The following CCDC9 variants were observed in gnomAD, a reference collection of about 807,000 sequenced individuals.
CCDC9 encodes coiled-coil domain-containing protein 9.
A neutral mutation model predicts 65.6 loss-of-function variants in CCDC9; 52 were observed. The observed-to-expected ratio is 0.79, with a 90% CI of 0.63 to 1.00. The LOEUF (loss-of-function observed/expected upper bound fraction) is 1.00, where lower values mean the gene tolerates loss of function less well. Ranked by LOEUF, CCDC9 falls within the 50% of genes least tolerant of loss-of-function variation. The pLI is 0.00. For synonymous variants in CCDC9, 332 were observed against 280.3 expected, an observed-to-expected ratio of 1.18 and a Z score of -1.84; for missense variants, 834 against 757.2, an observed-to-expected ratio of 1.10 and a Z score of -1.19.
At chr19:47,266,578 C>G in intron 7 of CCDC9, 33 bp from the exon 8 acceptor site, 1 of 1,487,944 alleles carries the variant, frequency 6.7e-7, no homozygotes, top group South Asian at 1.3e-5. Flanking sequence ...GGGTGCGGGA[C>G]ATCACCCTGA....
chr19:47,257,529 A>T (rs1248220347), intron 1 of CCDC9: 2 of 152,422 alleles, frequency 1.3e-5, no homozygotes, highest in African/African-American at 4.8e-5. Flanking sequence ...TGGCCCTGGC[A>T]TTCCCAGCCG....
chr19:47,257,891 C>T (rs1353594261), intron 1 of CCDC9: 1 of 164,820 alleles, frequency 6.1e-6, no homozygotes, highest in Non-Finnish European at 1.3e-5. Flanking sequence ...ATGAGAGGCA[C>T]CAGGATGAGC....
At chr19:47,275,275 A>G (rs973123537), downstream of CCDC9, 65 of 1,545,006 alleles carry the variant, frequency 4.2e-5, 1 homozygote, top group Middle Eastern at 3.8e-4. Flanking sequence ...CGCTACAGCG[A>G]CCCTGACCGC....
At chr19:47,275,455 C>T (rs1280004827), downstream of CCDC9, 32 of 1,385,186 alleles carry the variant, frequency 2.3e-5, no homozygotes, top group Non-Finnish European at 8.5e-6. Context: ...AATGACATCG[C>T]TCAGCGTCTC....
downstream of CCDC9, chr19:47,274,843 G>A: frequency 1.1e-6 from 1 of 932,694 alleles, no homozygotes; most frequent in Non-Finnish European, 1.3e-6. Context: ...GAGCGGGGCG[G>A]TCTGCGGGGT....
intron 8 of CCDC9, among the ~76,000 whole-genome samples, chr19:47,269,435 A>G (rs1484299930): frequency 6.6e-6 from 1 of 151,992 alleles, no homozygotes; most frequent in Non-Finnish European, 1.5e-5. Flanking sequence ...GCTCACTGCA[A>G]CATCGCCTCC....
Position 47,267,636 on chromosome 19 carries a change from G to A in CCDC9, c.902+844G>A, listed in dbSNP as rs999159236. On this transcript the variant is annotated intron_variant, in intron 8 of 11. Transcript: ENST00000221922. ...GCAGGCACACTTCCCAGTTGTGTTC[G>A]CCAGCACACCCCGCCTCACTGGGGC... 2.6e-5 allele frequency among the ~76,000 whole-genome samples: 4 copies of A among 152,146 alleles called. No individual in the cohort carries two copies. The East Asian group carries it at 5.8e-4, about 22-fold the overall frequency.
chr19:47,273,531 T>C, downstream of CCDC9: 1 of 479,338 alleles, frequency 2.1e-6, no homozygotes, highest in Non-Finnish European at 3.3e-6. Context: ...TGTCCTCTGC[T>C]TCTGCCACAC....
chr19:47,264,392 G>A (rs1236649901), intron 5 of CCDC9, among the ~76,000 whole-genome samples: 1 of 152,214 alleles, frequency 6.6e-6, no homozygotes, highest in Non-Finnish European at 1.5e-5. Context: ...GAAGGCGAAT[G>A]CAGCGTACAG....
chr19:47,257,376 G>A (rs1464400349), intron 1 of CCDC9, among the ~76,000 whole-genome samples: 6 of 150,898 alleles, frequency 4.0e-5, no homozygotes, highest in Non-Finnish European at 7.4e-5. Context: ...GGGAAAGAGC[G>A]TGGCTGGGAA....
downstream of CCDC9, among the ~76,000 whole-genome samples, chr19:47,273,140 G>C (rs1025946735): frequency 6.6e-6 from 1 of 152,156 alleles, no homozygotes; most frequent in Non-Finnish European, 1.5e-5. Context: ...CCACACCCGC[G>C]TTTCCTCGAT....
At chr19:47,266,302 A>C in intron 7 of CCDC9, 1 of 322,008 alleles carries the variant, frequency 3.1e-6, no homozygotes. Flanking sequence ...GCGGGAGAAG[A>C]GTTTGGAGGC....
chr19:47,258,738 T>A, intron 3 of CCDC9, 75 bp downstream of exon 3: 1 of 1,109,646 alleles, frequency 9.0e-7, no homozygotes, highest in Non-Finnish European at 1.4e-6. Flanking sequence ...CTCCCTTCCT[T>A]AAAACCTTTT....
rs747114434 is a variant in CCDC9, at chr19:47,271,096, G to T, written c.1100G>T (p.Arg367Leu). The change falls in exon 11 of 12, where the codon CGC becomes CTC. Residue 367 changes from arginine to leucine, a missense_variant. Coordinates refer to ENST00000221922, the MANE Select transcript of CCDC9 (RefSeq NM_015603.3). ...GTTCCCTCTAGTGACCATGATGACCGCTGGGAGACAAAAGAAGGGGCAGCA... is the reference window on the plus strand; with the variant it reads ...GTTCCCTCTAGTGACCATGATGACCTCTGGGAGACAAAAGAAGGGGCAGCA... ...APRAYSDHDD[R>L]WETKEGAASP... 6.4e-7 allele frequency: 1 copy of T among 1,555,484 alleles called. No individual in the cohort carries two copies. The highest frequency in any genetic ancestry group is 2.0e-5 in the Admixed American group (1 of 49,124).
downstream of CCDC9, chr19:47,275,136 T>G (rs1469942634): frequency 3.4e-6 from 5 of 1,490,328 alleles, no homozygotes; most frequent in Admixed American, 4.5e-5. Flanking sequence ...CAGCGCGCCG[T>G]CCCCTCCGTG....
At position 47,266,660 on chromosome 19, in the gene CCDC9, C is replaced by T. The variant is rs774676187; in HGVS notation, c.770C>T (p.Thr257Met). ...GSAGDMTLSMTGRERSEYLRW... is the reference protein window; with the variant it reads ...GSAGDMTLSMMGRERSEYLRW... ...GCTGGAGACATGACGTTGTCCATGA[C>T]GGGCCGGGAGCGGTCGGAGTACCTG... The change falls in exon 8 of 12, where the codon ACG becomes ATG. Residue 257 changes from threonine (T) to methionine (M), a missense_variant. Thr to Met is a moderately conservative substitution (Grantham distance 81). Transcript: ENST00000221922. The T allele has an allele frequency of 1.3e-5, 20 of 1,595,210 alleles. 1 individual carries two copies. The highest frequency in any genetic ancestry group is 6.8e-5 in the South Asian group (6 of 88,070).
rs556714252 is a variant in CCDC9, at chr19:47,260,687, G to A, written c.310G>A (p.Gly104Ser). 1.4e-5 allele frequency: 22 copies of A among 1,554,988 alleles called. No individual in the cohort carries two copies. In the Admixed American group the frequency reaches 1.8e-4, roughly 13 times the overall value. The change falls in exon 5 of 12, where the codon GGC becomes AGC. Residue 104 changes from glycine to serine, a missense_variant. Transcript: ENST00000221922. ...TCCTCCACAGCAGGGAGGCCGGGCCGGCATGGGCCGAGCATCGCGCAGCTG... is the reference window on the plus strand; with the variant it reads ...TCCTCCACAGCAGGGAGGCCGGGCCAGCATGGGCCGAGCATCGCGCAGCTG... ...RTPPQQGGRA[G>S]MGRASRSWEG...
Position 47,271,737 on chromosome 19 carries a change from GCGCGCGCGCGCGCGCGC to G in CCDC9, c.*60_*76del, listed in dbSNP as rs2059124515. ...TGTGTGTGTGTGTGTGTGTGTGCGC[GCGCGCGCGCGCGCGCGC>G]GCGCGCTAGAGGGGTGTGGCTGGTG... On this transcript the variant is annotated 3_prime_UTR_variant, in exon 12 of 12. Coordinates refer to ENST00000221922, the MANE Select transcript of CCDC9 (RefSeq NM_015603.3). 18 of 216,978 alleles carry G rather than the reference GCGCGCGCGCGCGCGCGC, an allele frequency of 8.3e-5. No individual in the cohort carries two copies. The highest frequency in any genetic ancestry group is 2.2e-3 in the Middle Eastern group (1 of 446). The allele number at this position is 216,978 out of a possible 1,614,324, so 13.4% of individuals were successfully genotyped here.
rs144274363 is a variant in CCDC9, at chr19:47,266,650, T to C, written c.760T>C (p.Leu254=). 23 of 1,589,590 alleles carry C rather than the reference T, an allele frequency of 1.4e-5. No homozygotes were observed. In the African/African-American group the frequency reaches 2.8e-4, roughly 19 times the overall value. ...CCTGGGCAGTGCTGGAGACATGACG[T>C]TGTCCATGACGGGCCGGGAGCGGTC... ...AGLGSAGDMT[L]SMTGRERSEY... The change falls in exon 8 of 12, where the codon TTG becomes CTG. Residue 254 remains leucine (L), a synonymous_variant. Coordinates refer to ENST00000221922, the MANE Select transcript of CCDC9 (RefSeq NM_015603.3).
Sources: allele counts gnomAD v4.1 joint callset (sites outside exome capture counted in the v4.1 genomes callset), GRCh38; gene constraint gnomAD v4.1.1; transcripts MANE v1.5; gene names NCBI Gene and HGNC (gene_info 2026-07-23, HGNC 2026-07-21).